Variants in EYS observed in about 807,000 individuals in gnomAD.
The protein encoded by EYS is protein eyes shut homolog.
A neutral mutation model predicts 282.1 loss-of-function variants in EYS; 250 were observed. The observed-to-expected ratio is 0.89, with a 90% CI of 0.80 to 0.98. The LOEUF (loss-of-function observed/expected upper bound fraction) is 0.98. EYS is among the 50% of genes least tolerant of loss of function. The pLI is 0.00. For synonymous variants in EYS, 1,355 were observed against 1,282.9 expected, an observed-to-expected ratio of 1.06 and a Z score of -1.20; for missense variants, 4,016 against 3,709.0, an observed-to-expected ratio of 1.08 and a Z score of -2.15.
chr6:65,443,906 C>T (rs1255025969), intron 5 of EYS, among the ~76,000 whole-genome samples: 1 of 151,326 alleles, frequency 6.6e-6, no homozygotes. Flanking sequence ...GTTCCTATAC[C>T]TTTTTCTTTA....
intron 26 of EYS, among the ~76,000 whole-genome samples, chr6:64,573,024 T>C (rs1485049490): frequency 6.6e-6 from 1 of 152,124 alleles, no homozygotes; most frequent in Non-Finnish European, 1.5e-5. Flanking sequence ...CTTCAAACTA[T>C]GCTACAAGGC....
At chr6:65,117,161 G>C (rs930701634) in intron 12 of EYS, among the ~76,000 whole-genome samples, 14 of 152,136 alleles carry the variant, frequency 9.2e-5, no homozygotes, top group African/African-American at 3.4e-4. Context: ...GAGGTCACAG[G>C]TTTTTACCAT....
At chr6:64,364,839 A>C (rs1772135026) in intron 29 of EYS, among the ~76,000 whole-genome samples, 1 of 151,952 alleles carries the variant, frequency 6.6e-6, no homozygotes, top group Non-Finnish European at 1.5e-5. Context: ...CTAAATGCTC[A>C]GACTTCATTA....
rs117084423 is a variant in EYS, at chr6:64,034,527, C to G, written c.6725+31811G>C. On this transcript the variant is annotated intron_variant, in intron 33 of 42. Transcript: ENST00000503581. Reference sequence around the variant, plus strand: ...CTCTTATCCCAGTAGTTCCCAACGCCATCTCCACATTGGAATATCCTGGAG... The same window carrying G: ...CTCTTATCCCAGTAGTTCCCAACGCGATCTCCACATTGGAATATCCTGGAG... Among the ~76,000 whole-genome samples, 247 of 152,300 alleles carry G rather than the reference C, an allele frequency of 1.6e-3. 2 individuals are homozygous for G. In the East Asian group the frequency reaches 0.036, roughly 22 times the overall value.
At chr6:64,661,072 A>G (rs2149887803) in intron 22 of EYS, among the ~76,000 whole-genome samples, 1 of 152,330 alleles carries the variant, frequency 6.6e-6, no homozygotes, top group East Asian at 1.9e-4. Flanking sequence ...GAGCCCTCAG[A>G]AATAATGCCA....
intron 22 of EYS, among the ~76,000 whole-genome samples, chr6:64,715,547 G>T (rs955965176): frequency 6.6e-6 from 1 of 152,140 alleles, no homozygotes; most frequent in East Asian, 1.9e-4. Flanking sequence ...GATTAACCTG[G>T]CTTATTCACA....
At chr6:64,587,721 T>C (rs978354184) in intron 26 of EYS, among the ~76,000 whole-genome samples, 1 of 152,028 alleles carries the variant, frequency 6.6e-6, no homozygotes, top group Non-Finnish European at 1.5e-5. Flanking sequence ...CTTTCATGGA[T>C]ACCAAACAAT....
At chr6:65,599,768 T>G (rs1765548353) in intron 2 of EYS, among the ~76,000 whole-genome samples, 1 of 152,158 alleles carries the variant, frequency 6.6e-6, no homozygotes, top group Admixed American at 6.6e-5. Flanking sequence ...AGTTTTTGTC[T>G]CCTTAAGATA....
chr6:64,169,402 A>C (rs1764404869), intron 31 of EYS, among the ~76,000 whole-genome samples: 1 of 150,836 alleles, frequency 6.6e-6, no homozygotes, highest in African/African-American at 2.5e-5. Flanking sequence ...ACAGGAAATC[A>C]ATGACATACT....
chr6:65,443,366 G>A lies in EYS; in HGVS notation c.863-37999C>T, dbSNP rs374673956. ...CACATATAGACATATATGCATACAT[G>A]TATGTACACATATAGACATATATGC... On this transcript the variant is annotated intron_variant, in intron 5 of 42. Coordinates refer to ENST00000503581, the MANE Select transcript of EYS (RefSeq NM_001142800.2). 6.5e-3 allele frequency among the ~76,000 whole-genome samples: 894 copies of A among 138,432 alleles called. 168 individuals carry two copies. Among genetic ancestry groups the A allele is most frequent in the South Asian group, 0.041 (172 of 4,198 alleles). The allele number at this position is 138,432 out of a possible 152,430, so 90.8% of individuals were successfully genotyped here. A position where few individuals can be genotyped will look rare whatever the true frequency, so the allele number is the denominator to read the frequency against.
intron 4 of EYS, among the ~76,000 whole-genome samples, chr6:65,493,428 T>C (rs1371703853): frequency 6.6e-6 from 1 of 152,224 alleles, no homozygotes; most frequent in East Asian, 1.9e-4. Context: ...ATACTATTAT[T>C]ATCAGCTGTG....
chr6:64,058,258 C>T (rs1398249491), intron 33 of EYS, among the ~76,000 whole-genome samples: 2 of 144,904 alleles, frequency 1.4e-5, no homozygotes, highest in Non-Finnish European at 3.0e-5. Flanking sequence ...ACTGTGAGTC[C>T]ATTAAACCTC....
chr6:65,577,298 ATT>A (rs775794976), intron 2 of EYS, among the ~76,000 whole-genome samples: 45 of 151,886 alleles, frequency 3.0e-4, no homozygotes, highest in Non-Finnish European at 6.0e-4. Flanking sequence ...TGGTAAATTT[ATT>A]TTTGACAAAA....
At position 63,950,189 on chromosome 6, in the gene EYS, CAAAACAAAAAAAA is replaced by C. The variant is rs1186961223; in HGVS notation, c.7055+34181_7055+34193del. Among the ~76,000 whole-genome samples the C allele has an allele frequency of 2.8e-3, 406 of 142,878 alleles. 3 individuals are homozygous for C. The highest frequency in any genetic ancestry group is 9.3e-3 in the South Asian group (42 of 4,532). 93.7% of individuals were successfully genotyped at this position (142,878 alleles called of 152,430 possible). On this transcript the variant is annotated intron_variant, in intron 35 of 42. Coordinates refer to ENST00000503581, the MANE Select transcript of EYS (RefSeq NM_001142800.2). ...TCCGTCTCAAAAAACAAAAACAAAA[CAAAACAAAAAAAA>C]AAAACAAAAAAAACAAAACCTGCTT...
Position 64,293,000 on chromosome 6 carries a change from C to A in EYS, c.6191+13970G>T, listed in dbSNP as rs532345762. On this transcript the variant is annotated intron_variant, in intron 30 of 42. Transcript: ENST00000503581. ...GTTCTTCTTTACAGTTCTATATGAT[C>A]GTTTCTAAGCTTTAGAATCAGACTG... Among the ~76,000 whole-genome samples, 197 of 152,070 alleles carry A rather than the reference C, an allele frequency of 1.3e-3. 1 individual carries two copies. The highest frequency in any genetic ancestry group is 3.4e-3 in the Middle Eastern group (1 of 294).
intron 26 of EYS, among the ~76,000 whole-genome samples, chr6:64,453,537 G>T (rs1325361753): frequency 6.6e-6 from 1 of 152,144 alleles, no homozygotes; most frequent in Non-Finnish European, 1.5e-5. Flanking sequence ...AAATCATGCT[G>T]CTATAAAGAC....
chr6:63,876,608 A>C (rs1393734030), intron 35 of EYS, among the ~76,000 whole-genome samples: 1 of 152,116 alleles, frequency 6.6e-6, no homozygotes, highest in Non-Finnish European at 1.5e-5. Flanking sequence ...TGGGAGTCTA[A>C]GTCTCTTTAG....
chr6:65,293,867 T>C (rs1295865341), intron 12 of EYS, among the ~76,000 whole-genome samples: 1 of 151,802 alleles, frequency 6.6e-6, no homozygotes, highest in Non-Finnish European at 1.5e-5. Context: ...AAAAATGTGA[T>C]GGGGATCAGG....
Position 64,762,939 on chromosome 6 carries a change from A to G in EYS, c.3443+50439T>C, listed in dbSNP as rs1323634191. On this transcript the variant is annotated intron_variant, in intron 22 of 42. Coordinates refer to ENST00000503581, the MANE Select transcript of EYS (RefSeq NM_001142800.2). Reference sequence around the variant, plus strand: ...TTCATAAAATACTCTGTGGAATGGCATGTTAGAAATACATTCCCTGTGCAA... The same window carrying G: ...TTCATAAAATACTCTGTGGAATGGCGTGTTAGAAATACATTCCCTGTGCAA... Among the ~76,000 whole-genome samples the G allele has an allele frequency of 3.3e-5, 5 of 152,126 alleles. No homozygotes were observed. In the East Asian group the frequency reaches 9.6e-4, roughly 29 times the overall value.
Sources: allele counts gnomAD v4.1 joint callset (sites outside exome capture counted in the v4.1 genomes callset), GRCh38; gene constraint gnomAD v4.1.1; transcripts MANE v1.5; gene names NCBI Gene and HGNC (gene_info 2026-07-23, HGNC 2026-07-21).